Variants in POMT2 observed in about 807,000 individuals in gnomAD.
POMT2 encodes protein O-mannosyltransferase 2, also known as protein O-mannosyl-transferase 2.
POMT2 carries 75 observed loss-of-function variants against 100.0 expected under a neutral mutation model. The ratio of observed to expected loss-of-function variants is 0.75; its 90% CI spans 0.62 to 0.91. POMT2 has a LOEUF of 0.91. Ranked by LOEUF, POMT2 falls within the 40% of genes least tolerant of loss-of-function variation. The pLI, the probability that POMT2 is intolerant of heterozygous loss-of-function variation, is 0.00. For missense variants in POMT2, 940 were observed against 955.1 expected, an observed-to-expected ratio of 0.98 and a Z score of 0.21; for synonymous variants, 378 against 374.1, an observed-to-expected ratio of 1.01 and a Z score of -0.12.
At chr14:77,316,566 T>C (rs755692419) in intron 1 of POMT2, among the ~76,000 whole-genome samples, 15 of 77,566 alleles carry the variant, frequency 1.9e-4, no homozygotes, top group Non-Finnish European at 3.1e-4. Flanking sequence ...ATCTCATCTC[T>C]AAAAAAAAAA....
chr14:77,320,603 T>C lies in POMT2; in HGVS notation c.79A>G (p.Arg27Gly), dbSNP rs1398167225. ...GCGGCCACGTCCCGGCCTGCGGCCC[T>C]AGCAGCCTGGGGGCCACAGCGGCCC... ...RRGRCGPQAA[R>G]AAGRDVAAEA... The change falls in exon 1 of 21, where the codon AGG (arginine) becomes GGG (glycine). Residue 27 changes from arginine to glycine, a missense_variant. Physicochemically the swap from Arg to Gly is moderately radical, Grantham distance 125 (BLOSUM62 -2). Coordinates refer to ENST00000261534, the MANE Select transcript of POMT2 (RefSeq NM_013382.7). 1 of 1,587,206 alleles carries C rather than the reference T, an allele frequency of 6.3e-7. No homozygotes were observed. Among genetic ancestry groups the C allele is most frequent in the Admixed American group, 1.7e-5 (1 of 58,800 alleles).
chr14:77,302,716 T>C, intron 5 of POMT2, 119 bp downstream of exon 5: 5 of 770,914 alleles, frequency 6.5e-6, no homozygotes, highest in South Asian at 6.0e-5. Flanking sequence ...AAAAGTATGC[T>C]TGCCTTAAAA....
At chr14:77,300,861 A>G (rs573253590) in intron 6 of POMT2, 8 of 612,578 alleles carry the variant, frequency 1.3e-5, no homozygotes, top group African/African-American at 1.3e-4. Flanking sequence ...AAATGCAAAA[A>G]GAGACTTCCA....
intron 14 of POMT2, among the ~76,000 whole-genome samples, chr14:77,284,592 G>A (rs938258495): frequency 1.5e-4 from 23 of 152,186 alleles, no homozygotes; most frequent in African/African-American, 5.5e-4. Flanking sequence ...ATATGTGGGG[G>A]GGCGGGGGAG....
intron 2 of POMT2, chr14:77,308,679 G>A (rs887532096): frequency 7.8e-5 from 32 of 408,262 alleles, no homozygotes; most frequent in East Asian, 1.6e-4. Context: ...AAGTATGATC[G>A]TACCAGTGCT....
At chr14:77,319,265 T>C (rs1891743682) in intron 1 of POMT2, among the ~76,000 whole-genome samples, 1 of 152,126 alleles carries the variant, frequency 6.6e-6, no homozygotes, top group African/African-American at 2.4e-5. Flanking sequence ...TTGAGGTAAA[T>C]ACTGTAAGCT....
intron 10 of POMT2, among the ~76,000 whole-genome samples, chr14:77,290,968 G>C (rs998002442): frequency 6.6e-6 from 1 of 152,190 alleles, no homozygotes; most frequent in African/African-American, 2.4e-5. Flanking sequence ...AATGAGAGCA[G>C]CAGCCAGGTG....
rs574135706 is a variant in POMT2, at chr14:77,276,802, A to G, written c.*574T>C. On this transcript the variant is annotated 3_prime_UTR_variant, in exon 21 of 21. Transcript: ENST00000261534. ...GCGCGCCTTCCTCCACGCTGGATTC[A>G]TTTGTTTGTGGGAGGGAGGGCAGCA... 27 of 154,132 alleles carry G rather than the reference A, an allele frequency of 1.8e-4. 1 individual carries two copies. In the East Asian group the frequency reaches 5.2e-3, roughly 30 times the overall value. 9.5% of individuals were successfully genotyped at this position (154,132 alleles called of 1,614,324 possible). A position where few individuals can be genotyped will look rare whatever the true frequency, so the allele number is the denominator to read the frequency against.
chr14:77,281,539 G>A lies in POMT2; in HGVS notation c.1654-1076C>T, dbSNP rs77071776. ...AACCAGGTCTTTGCTAAAACAGGAA[G>A]GAGTAGGGTCAGGATCCAGGATATT... On this transcript the variant is annotated intron_variant, in intron 15 of 20. Transcript: ENST00000261534. Among the ~76,000 whole-genome samples, 1,071 of 152,272 alleles carry A rather than the reference G, an allele frequency of 7.0e-3. 15 individuals are homozygous for A. The highest frequency in any genetic ancestry group is 0.025 in the African/African-American group (1,033 of 41,528).
At chr14:77,303,838 C>T (rs1891138190) in intron 4 of POMT2, among the ~76,000 whole-genome samples, 1 of 152,198 alleles carries the variant, frequency 6.6e-6, no homozygotes, top group Non-Finnish European at 1.5e-5. Context: ...TGTTTATTTA[C>T]TGTCTGCCCC....
intron 11 of POMT2, chr14:77,287,197 T>C (rs1057252029): frequency 1.6e-5 from 5 of 308,918 alleles, no homozygotes; most frequent in Non-Finnish European, 2.5e-5. Context: ...GTAATCTGCA[T>C]GGCCTGAGCT....
At position 77,276,492 on chromosome 14, in the gene POMT2, C is replaced by A. The variant is rs1889959254; in HGVS notation, c.*884G>T. Reference sequence around the variant, plus strand: ...GCTAAGCAAGGTTCCCATGGGCTCTCCCAGCAGCCAGGAGAATGCATCTGC... The same window carrying A: ...GCTAAGCAAGGTTCCCATGGGCTCTACCAGCAGCCAGGAGAATGCATCTGC... On this transcript the variant is annotated 3_prime_UTR_variant, in exon 21 of 21. Coordinates refer to ENST00000261534, the MANE Select transcript of POMT2 (RefSeq NM_013382.7). 1 of 152,558 alleles carries A rather than the reference C, an allele frequency of 6.6e-6. No homozygotes were observed. The highest frequency in any genetic ancestry group is 2.1e-4 in the South Asian group (1 of 4,834). The allele number at this position is 152,558 out of a possible 1,614,324, so 9.5% of individuals were successfully genotyped here.
intron 8 of POMT2, among the ~76,000 whole-genome samples, chr14:77,296,764 G>A (rs1890847242): frequency 6.6e-6 from 1 of 152,154 alleles, no homozygotes; most frequent in African/African-American, 2.4e-5. Context: ...AAAAAACACA[G>A]AAAACCACTT....
At chr14:77,283,462 G>A (rs968551572) in intron 15 of POMT2, among the ~76,000 whole-genome samples, 2 of 152,230 alleles carry the variant, frequency 1.3e-5, no homozygotes, top group Non-Finnish European at 2.9e-5. Context: ...CCCTGGGCAA[G>A]TTCCCTGACC....
intron 14 of POMT2, 64 bp from the exon 15 acceptor site, chr14:77,283,937 T>C (rs1277953692): frequency 5.2e-6 from 7 of 1,355,802 alleles, no homozygotes; most frequent in Admixed American, 1.7e-5. Flanking sequence ...CTGTCCATGG[T>C]GTCCACATTC....
rs780471723 is a variant in POMT2 at position 77,285,549 on chromosome 14, A to C, written c.1416T>G (p.Ser472Arg). 1 of 1,614,160 alleles carries C rather than the reference A, an allele frequency of 6.2e-7. No homozygotes were observed. Among genetic ancestry groups the C allele is most frequent in the Non-Finnish European group, 8.5e-7 (1 of 1,180,024 alleles). Residue 472 changes from serine to arginine, a missense_variant, in exon 13 of 21, where the codon AGT (serine) becomes AGG (arginine). Ser to Arg is a moderately radical substitution (Grantham distance 110). Transcript: ENST00000261534. ...KFGNRIKVLR[S>R]RIRFIHLVTG... is the part of the protein sequence containing the mutation. Reference sequence around the variant, plus strand: ...TGACCAAATGGATGAAGCGAATTCGACTTCTCAGCACTTTGATCCGGTTTC... The same window carrying C: ...TGACCAAATGGATGAAGCGAATTCGCCTTCTCAGCACTTTGATCCGGTTTC...
At chr14:77,290,399 GT>G (rs1329600268) in intron 10 of POMT2, among the ~76,000 whole-genome samples, 1 of 152,234 alleles carries the variant, frequency 6.6e-6, no homozygotes, top group African/African-American at 2.4e-5. Flanking sequence ...GGAGCAGGAT[GT>G]AGAAAGTGGT....
rs993351501 is a variant in POMT2 at position 77,274,995 on chromosome 14, T to C, written c.*2381A>G. The C allele has an allele frequency of 6.6e-6, 1 of 152,158 alleles. No individual in the cohort carries two copies. Among genetic ancestry groups the C allele is most frequent in the Non-Finnish European group, 1.5e-5 (1 of 68,020 alleles). The allele number at this position is 152,158 out of a possible 1,614,324, so 9.4% of individuals were successfully genotyped here. A position where few individuals can be genotyped will look rare whatever the true frequency, so the allele number is the denominator to read the frequency against. On this transcript the variant is annotated 3_prime_UTR_variant, in exon 21 of 21. Transcript: ENST00000261534. ...TATTTATTATAAAATCAGTGGCTTCTGATTAGAAGACTTTTTTTTTTTAAA... is the reference window on the plus strand; with the variant it reads ...TATTTATTATAAAATCAGTGGCTTCCGATTAGAAGACTTTTTTTTTTTAAA...
At chr14:77,287,960 A>G (rs1890496120) in intron 11 of POMT2, 1 of 152,240 alleles carries the variant, frequency 6.6e-6, no homozygotes, top group Non-Finnish European at 1.5e-5. Flanking sequence ...CCAACCCCCA[A>G]CACTTAGCTG....
Sources: allele counts gnomAD v4.1 joint callset (sites outside exome capture counted in the v4.1 genomes callset), GRCh38; gene constraint gnomAD v4.1.1; transcripts MANE v1.5; gene names NCBI Gene and HGNC (gene_info 2026-07-23, HGNC 2026-07-21).